The following POLR2B variants were observed in gnomAD, a reference collection of about 807,000 sequenced individuals.
The protein encoded by POLR2B is DNA-directed RNA polymerase II subunit RPB2.
Under a neutral mutation model 144.6 loss-of-function variants are expected in POLR2B, and 57 were observed. The ratio of observed to expected loss-of-function variants is 0.39; its 90% CI spans 0.32 to 0.49. The LOEUF is 0.49. POLR2B is among the 20% of genes least tolerant of loss of function. The probability of loss-of-function intolerance (pLI) is 0.83; values close to 1 mark genes in which losing one functional copy is unlikely to be tolerated. For synonymous variants in POLR2B, 442 were observed against 469.8 expected (o/e 0.94, Z 0.77); for missense variants, 595 against 1,467.4 (o/e 0.41, Z 9.71).
At chr4:56,994,380 TC>T (rs747704300) in intron 3 of POLR2B, 23 bp from the exon 4 acceptor site, 2 of 1,200,096 alleles carry the variant, frequency 1.7e-6, no homozygotes, top group African/African-American at 3.0e-5. Flanking sequence ...TTTACCCTTT[TC>T]ATGTTTTTTT....
At chr4:57,013,247 G>C (rs748589168) in intron 13 of POLR2B, among the ~76,000 whole-genome samples, 1 of 152,126 alleles carries the variant, frequency 6.6e-6, no homozygotes, top group Non-Finnish European at 1.5e-5. Flanking sequence ...AAAGTACTGG[G>C]ATAACAGGTG....
rs371226484 is a variant in POLR2B, at chr4:57,005,604, A to G, written c.1102A>G (p.Met368Val). ...ETKKAYFLGY[M>V]VHRLLLAALG... is the part of the protein sequence containing the mutation. ...TTTCTTTTTTTTTTTTTAAAGATAC[A>G]TGGTTCATAGGTTACTTCTGGCAGC... is the stretch of plus-strand genomic sequence containing the variant. The change falls in exon 9 of 25, where the codon ATG becomes GTG. Residue 368 changes from methionine (M) to valine (V), a missense_variant. This residue lies in a region of POLR2B where 251 missense variants were observed against 567.3 expected (regional missense o/e 0.44). Transcript: ENST00000314595. The G allele has an allele frequency of 6.3e-6, 10 of 1,578,998 alleles. No homozygotes were observed. Among genetic ancestry groups the G allele is most frequent in the East Asian group, 2.3e-5 (1 of 44,352 alleles).
At chr4:56,996,274 A>ATT (rs1447493379) in intron 6 of POLR2B, among the ~76,000 whole-genome samples, 1 of 86,996 alleles carries the variant, frequency 1.1e-5, no homozygotes, top group South Asian at 5.1e-4. Context: ...ATATATATAT[A>ATT]TATATTTTTT....
intron 13 of POLR2B, among the ~76,000 whole-genome samples, chr4:57,012,740 C>T (rs1723232310): frequency 6.6e-6 from 1 of 152,186 alleles, no homozygotes; most frequent in Non-Finnish European, 1.5e-5. Flanking sequence ...TCTTAGCTCA[C>T]TGCAACCTCT....
At chr4:56,996,938 A>C (rs1226545853) in intron 6 of POLR2B, among the ~76,000 whole-genome samples, 3 of 151,910 alleles carry the variant, frequency 2.0e-5, no homozygotes, top group African/African-American at 7.3e-5. Flanking sequence ...AACAACAACA[A>C]AAACCCAAAA....
At chr4:56,981,293 A>C (rs1282241518) in intron 1 of POLR2B, among the ~76,000 whole-genome samples, 2 of 146,956 alleles carry the variant, frequency 1.4e-5, no homozygotes, top group African/African-American at 5.1e-5. Context: ...GTTTGTGTGG[A>C]TGTACCATAA....
intron 8 of POLR2B, 61 bp downstream of exon 8, chr4:57,005,503 C>T: frequency 6.7e-7 from 1 of 1,483,932 alleles, no homozygotes; most frequent in Non-Finnish European, 9.1e-7. Context: ...AAAGGTTTTT[C>T]TTAGAGTCAA....
At position 57,010,886 on chromosome 4, in the gene POLR2B, G is replaced by A; in HGVS notation, c.1687G>A (p.Asp563Asn). 1.2e-6 allele frequency: 2 copies of A among 1,607,786 alleles called. No individual in the cohort carries two copies. Among genetic ancestry groups the A allele is most frequent in the Non-Finnish European group, 1.7e-6 (2 of 1,174,726 alleles). The change falls in exon 12 of 25, where the codon GAT becomes AAT. Residue 563 changes from aspartate to asparagine, a missense_variant and splice_region_variant. Physicochemically the swap from Asp to Asn is conservative, Grantham distance 23. Coordinates refer to ENST00000314595, the MANE Select transcript of POLR2B (RefSeq NM_000938.3). ...AGAAATTTCTCCTGCAGCTATTGCT[G>A]AGTGTGTATAGATGGAATTAGTTTT... ...LEEISPAAIADATKIFVNGCW... is the reference protein window; with the variant it reads ...LEEISPAAIANATKIFVNGCW...
chr4:57,003,616 G>GCCTA (rs1352133884), intron 7 of POLR2B, among the ~76,000 whole-genome samples: 1 of 152,070 alleles, frequency 6.6e-6, no homozygotes, highest in Non-Finnish European at 1.5e-5. Context: ...ACTTTGGAAG[G>GCCTA]CCTACATGGG....
Position 57,010,301 on chromosome 4 carries a change from A to G in POLR2B, c.1405-60A>G. Reference sequence around the variant, plus strand: ...ATATGTAAAAATATGACTTTGCCTCAGTGTAATAGTATGAATCACAGAAAT... The same window carrying G: ...ATATGTAAAAATATGACTTTGCCTCGGTGTAATAGTATGAATCACAGAAAT... On this transcript the variant is annotated intron_variant, in intron 10 of 24. Transcript: ENST00000314595. 7 of 1,433,938 alleles carry G rather than the reference A, an allele frequency of 4.9e-6. No homozygotes were observed. In the Admixed American group the frequency reaches 9.7e-5, roughly 20 times the overall value. The allele number at this position is 1,433,938 out of a possible 1,614,324, so 88.8% of individuals were successfully genotyped here. A position where few individuals can be genotyped will look rare whatever the true frequency, so the allele number is the denominator to read the frequency against.
At chr4:57,026,633 C>A (rs757696356) in intron 23 of POLR2B, among the ~76,000 whole-genome samples, 1 of 151,932 alleles carries the variant, frequency 6.6e-6, no homozygotes, top group Non-Finnish European at 1.5e-5. Context: ...CGTGGTGGCT[C>A]ACACCTGTAA....
In POLR2B at chr4:57,017,036, T is replaced by A; in HGVS notation, c.1956-7T>A. The A allele has an allele frequency of 6.5e-7, 1 of 1,549,934 alleles. No homozygotes were observed. The highest frequency in any genetic ancestry group is 8.7e-7 in the Non-Finnish European group (1 of 1,143,852). ...GGAAGTAGAAAATTGAGTGAATTCT[T>A]TTTTAGTTGGCAGGATCTTGTGGCC... is the stretch of plus-strand genomic sequence containing the variant. On this transcript the variant is annotated splice_region_variant and splice_polypyrimidine_tract_variant and intron_variant, in intron 14 of 24. Coordinates refer to ENST00000314595, the MANE Select transcript of POLR2B (RefSeq NM_000938.3). This position sits in a 1 kb window ranked among gnomAD's most constrained non-coding sequence, Gnocchi z 4.8.
chr4:57,022,420 G>A (rs1383598810), intron 18 of POLR2B, among the ~76,000 whole-genome samples, 174 bp downstream of exon 18: 1 of 150,260 alleles, frequency 6.7e-6, no homozygotes, highest in Non-Finnish European at 1.5e-5. Context: ...AAGAAAACAT[G>A]TGTATTTGAT....
intron 6 of POLR2B, among the ~76,000 whole-genome samples, chr4:56,999,284 T>C (rs1722784076): frequency 6.7e-6 from 1 of 150,178 alleles, no homozygotes; most frequent in African/African-American, 2.4e-5. Flanking sequence ...GGGGGATAGG[T>C]TGGGGAGGGT....
At chr4:56,999,501 GT>G (rs1398597243) in intron 6 of POLR2B, 115 bp from the exon 7 acceptor site, 3 of 587,394 alleles carry the variant, frequency 5.1e-6, no homozygotes, top group Non-Finnish European at 8.2e-6. Context: ...ATTGGGAGGC[GT>G]GCTTCTTTTG....
intron 7 of POLR2B, 84 bp from the exon 8 acceptor site, chr4:57,005,162 C>A: frequency 2.8e-6 from 2 of 705,124 alleles, no homozygotes; most frequent in South Asian, 2.9e-5. Flanking sequence ...GGGTACTTGG[C>A]ATGTTATAAA....
chr4:57,014,833 A>G (rs1377905112), intron 13 of POLR2B, among the ~76,000 whole-genome samples: 2 of 152,174 alleles, frequency 1.3e-5, no homozygotes, highest in Non-Finnish European at 2.9e-5. Context: ...GACTTGATAC[A>G]TCCCAAAGTA....
At position 57,025,433 on chromosome 4, in the gene POLR2B, C is replaced by T; in HGVS notation, c.3135C>T (p.Pro1045=). Residue 1045 remains proline, a synonymous_variant, in exon 23 of 25, where the codon CCC becomes CCT. Transcript: ENST00000314595. The part of the protein sequence containing the change: ...RKITSQIFIG[P]TYYQRLKHMV... ...TCACATCACAAATATTTATTGGCCC[C>T]ACTTATTACCAGCGTTTGAAGCATA... 1.2e-6 allele frequency: 2 copies of T among 1,612,404 alleles called. No individual in the cohort carries two copies. The highest frequency in any genetic ancestry group is 2.2e-5 in the South Asian group (2 of 91,052).
At chr4:56,990,961 C>T (rs1268220929) in intron 3 of POLR2B, 63 bp downstream of exon 3, 1 of 1,408,486 alleles carries the variant, frequency 7.1e-7, no homozygotes, top group Non-Finnish European at 9.6e-7. Context: ...TTTAGCCCTT[C>T]TCTTACCTGG....
Sources: gnomAD v4.1 joint callset for allele counts (sites outside exome capture counted in the v4.1 genomes callset) on GRCh38, gnomAD v4.1.1 for gene constraint, gnomAD v4.1.1 regional missense constraint, Gnocchi (gnomAD v3.1) non-coding constraint, MANE v1.5 for transcripts, NCBI Gene and HGNC (gene_info 2026-07-23, HGNC 2026-07-21) for gene names.